TMOD2: variants seen among roughly 807,000 people sequenced by gnomAD.
TMOD2 encodes tropomodulin-2.
TMOD2 carries 22 observed loss-of-function variants against 39.9 expected under a neutral mutation model. The ratio of observed to expected loss-of-function variants is 0.55; its 90% CI spans 0.39 to 0.79. TMOD2 has a LOEUF of 0.79. Among genes scored for constraint, TMOD2 ranks in the 30% least tolerant of loss-of-function variants. The pLI, the probability that TMOD2 is intolerant of heterozygous loss-of-function variation, is 0.00. For missense variants in TMOD2, 386 were observed against 413.3 expected (o/e 0.93, Z 0.57); for synonymous variants, 123 against 146.1 (o/e 0.84, Z 1.14).
At chr15:51,793,208 A>C (rs1159460472) in intron 7 of TMOD2, among the ~76,000 whole-genome samples, 1 of 152,234 alleles carries the variant, frequency 6.6e-6, no homozygotes, top group South Asian at 2.1e-4. Flanking sequence ...ACATAGCCTC[A>C]TCATAAGTCA....
At chr15:51,777,478 T>C (rs1377997547) in intron 5 of TMOD2, among the ~76,000 whole-genome samples, 2 of 152,186 alleles carry the variant, frequency 1.3e-5, no homozygotes, top group Non-Finnish European at 2.9e-5. Context: ...GAATGTCCAC[T>C]TCCCTCAGAG....
intron 4 of TMOD2, among the ~76,000 whole-genome samples, chr15:51,775,035 G>A (rs778878936): frequency 1.3e-5 from 2 of 152,208 alleles, no homozygotes; most frequent in African/African-American, 4.8e-5. Flanking sequence ...TCAGAAGGAA[G>A]CCTGGCTGGG....
rs186532534 is a variant in TMOD2 at position 51,803,909 on chromosome 15, T to C, written c.877-2468T>C. On this transcript the variant is annotated intron_variant, in intron 8 of 9. Coordinates refer to ENST00000249700, the MANE Select transcript of TMOD2 (RefSeq NM_014548.4). ...TGCAAATTAAGGCAGTAAATAAATATGAAAGAAATATAAATTTTCACCAAC... is the reference window on the plus strand; with the variant it reads ...TGCAAATTAAGGCAGTAAATAAATACGAAAGAAATATAAATTTTCACCAAC... 7.9e-5 allele frequency among the ~76,000 whole-genome samples: 12 copies of C among 152,258 alleles called. No individual in the cohort carries two copies. In the East Asian group the frequency reaches 2.3e-3, roughly 29 times the overall value.
At chr15:51,770,682 G>A (rs1295272032) in intron 3 of TMOD2, among the ~76,000 whole-genome samples, 1 of 152,116 alleles carries the variant, frequency 6.6e-6, no homozygotes, top group Admixed American at 6.5e-5. Context: ...GCTCACACCT[G>A]TAATCCCAGC....
At chr15:51,794,728 A>G (rs889868343) in intron 7 of TMOD2, among the ~76,000 whole-genome samples, 1 of 152,164 alleles carries the variant, frequency 6.6e-6, no homozygotes, top group African/African-American at 2.4e-5. Flanking sequence ...AACCAGTAAT[A>G]TACAGAAATT....
At chr15:51,755,089 T>A (rs1444621459) in intron 1 of TMOD2, among the ~76,000 whole-genome samples, 1 of 152,248 alleles carries the variant, frequency 6.6e-6, no homozygotes, top group East Asian at 1.9e-4. Context: ...TTCCTAACTT[T>A]CTTCCTATAA....
intron 1 of TMOD2, among the ~76,000 whole-genome samples, chr15:51,764,756 C>CTTTGTG (rs1437073861): frequency 6.6e-6 from 1 of 152,156 alleles, no homozygotes; most frequent in Non-Finnish European, 1.5e-5. Flanking sequence ...TCCTGTACCC[C>CTTTGTG]TTTGTGCTGT....
chr15:51,776,846 G>T, intron 4 of TMOD2, 86 bp from the exon 5 acceptor site: 1 of 1,087,410 alleles, frequency 9.2e-7, no homozygotes, highest in South Asian at 1.3e-5. Flanking sequence ...ATGATGTAAA[G>T]AATTGTTCTT....
chr15:51,781,713 T>C (rs1357423836), intron 6 of TMOD2, among the ~76,000 whole-genome samples: 1 of 152,210 alleles, frequency 6.6e-6, no homozygotes, highest in Non-Finnish European at 1.5e-5. Flanking sequence ...CCACAATACC[T>C]GTTATGACCT....
At chr15:51,786,131 T>A (rs190381766) in intron 7 of TMOD2, among the ~76,000 whole-genome samples, 6 of 152,118 alleles carry the variant, frequency 3.9e-5, no homozygotes, top group Non-Finnish European at 8.8e-5. Context: ...CTAATAGAAA[T>A]TTTTCCCTTG....
At chr15:51,791,752 G>A (rs1445350391) in intron 7 of TMOD2, among the ~76,000 whole-genome samples, 1 of 152,144 alleles carries the variant, frequency 6.6e-6, no homozygotes, top group Non-Finnish European at 1.5e-5. Context: ...ACAAGCAATG[G>A]GGAAAAGATT....
intron 7 of TMOD2, among the ~76,000 whole-genome samples, chr15:51,793,413 C>T (rs2056026331): frequency 6.6e-6 from 1 of 152,058 alleles, no homozygotes; most frequent in Non-Finnish European, 1.5e-5. Context: ...TTTATGTTTG[C>T]AGCACATTTC....
intron 7 of TMOD2, 167 bp downstream of exon 7, chr15:51,782,995 C>G (rs2055942043): frequency 5.1e-6 from 3 of 591,388 alleles, no homozygotes; most frequent in Non-Finnish European, 8.9e-6. Context: ...CAGAACTGAA[C>G]TGTCAGATGC....
intron 7 of TMOD2, among the ~76,000 whole-genome samples, chr15:51,787,933 C>T (rs896147399): frequency 6.6e-6 from 1 of 152,172 alleles, no homozygotes; most frequent in Non-Finnish European, 1.5e-5. Flanking sequence ...ATTCCCAAAA[C>T]CAGAACGCCT....
chr15:51,785,411 C>CAAAAA (rs57631565), intron 7 of TMOD2, among the ~76,000 whole-genome samples: 5 of 70,472 alleles, frequency 7.1e-5, no homozygotes, highest in African/African-American at 2.7e-4. Context: ...GACTCTGTCT[C>CAAAAA]AAAAAAAAAA....
chr15:51,796,923 G>A lies in TMOD2; in HGVS notation c.733-1274G>A, dbSNP rs190294610. ...CTCATCCAGCCATGACGATGTCAATGGTTGGATGTCAAAAGCAGACAGTGT... is the reference window on the plus strand; with the variant it reads ...CTCATCCAGCCATGACGATGTCAATAGTTGGATGTCAAAAGCAGACAGTGT... On this transcript the variant is annotated intron_variant, in intron 7 of 9. Transcript: ENST00000249700. 3.8e-3 allele frequency among the ~76,000 whole-genome samples: 575 copies of A among 152,304 alleles called. 2 individuals carry two copies. The highest frequency in any genetic ancestry group is 6.4e-3 in the Non-Finnish European group (437 of 68,026).
chr15:51,795,321 G>T (rs1567245352), intron 7 of TMOD2, among the ~76,000 whole-genome samples: 1 of 151,918 alleles, frequency 6.6e-6, no homozygotes. Flanking sequence ...AGCAACTTGG[G>T]AGGCTGGGGC....
At chr15:51,777,530 A>G (rs2055897675) in intron 5 of TMOD2, among the ~76,000 whole-genome samples, 1 of 152,220 alleles carries the variant, frequency 6.6e-6, no homozygotes, top group African/African-American at 2.4e-5. Flanking sequence ...TGCACAGGAC[A>G]TTCCACACCA....
At chr15:51,754,016 T>G (rs1235648150) in intron 1 of TMOD2, among the ~76,000 whole-genome samples, 1 of 152,134 alleles carries the variant, frequency 6.6e-6, no homozygotes, top group Non-Finnish European at 1.5e-5. Flanking sequence ...TGGCTTCACC[T>G]TCCCAAAATT....
Sources: allele counts gnomAD v4.1 joint callset (sites outside exome capture counted in the v4.1 genomes callset), GRCh38; gene constraint gnomAD v4.1.1; transcripts MANE v1.5; gene names NCBI Gene and HGNC (gene_info 2026-07-23, HGNC 2026-07-21).